Variants in PTPN3 observed in about 807,000 individuals in gnomAD.
The protein encoded by PTPN3 is tyrosine-protein phosphatase non-receptor type 3.
In PTPN3, 96 loss-of-function variants were observed where a neutral mutation model predicts 132.7. The ratio of observed to expected loss-of-function variants is 0.72; its 90% CI spans 0.61 to 0.86. The LOEUF is 0.86. Among genes scored for constraint, PTPN3 ranks in the 40% least tolerant of loss-of-function variants. PTPN3 has a pLI of 0.00. For synonymous variants in PTPN3, 398 were observed against 429.0 expected (o/e 0.93, Z 0.89); for missense variants, 1,125 against 1,159.6 (o/e 0.97, Z 0.43).
At chr9:109,484,133 T>C (rs146353828) in intron 1 of PTPN3, among the ~76,000 whole-genome samples, 19 of 152,240 alleles carry the variant, frequency 1.2e-4, no homozygotes, top group Admixed American at 2.6e-4. Context: ...TCAGGCAGAA[T>C]TGCCTGAGCC....
intron 7 of PTPN3, 27 bp downstream of exon 7, chr9:109,445,213 C>T: frequency 6.2e-7 from 1 of 1,604,330 alleles, no homozygotes; most frequent in Non-Finnish European, 8.5e-7. Context: ...ACCTGTCCAT[C>T]CGTGAAATGC....
chr9:109,463,844 G>A (rs1027440716), intron 1 of PTPN3, among the ~76,000 whole-genome samples: 1 of 152,128 alleles, frequency 6.6e-6, no homozygotes, highest in Non-Finnish European at 1.5e-5. Context: ...TTGATAAACT[G>A]ATATTAAAAT....
At chr9:109,396,933 A>AC (rs1188311284) in intron 19 of PTPN3, among the ~76,000 whole-genome samples, 3 of 152,098 alleles carry the variant, frequency 2.0e-5, no homozygotes, top group African/African-American at 7.2e-5. Context: ...AGAGCTTCAC[A>AC]CCCCCAACTG....
the PTPN3 span, among the ~76,000 whole-genome samples, chr9:109,518,052 G>A: frequency 6.6e-6 from 1 of 152,138 alleles, no homozygotes; most frequent in Admixed American, 6.5e-5. Flanking sequence ...GGGTGGTTAC[G>A]GCTTCCTGCA....
chr9:109,475,967 A>G (rs1178437205), intron 1 of PTPN3, among the ~76,000 whole-genome samples: 1 of 151,736 alleles, frequency 6.6e-6, no homozygotes, highest in Non-Finnish European at 1.5e-5. Context: ...CTCTCCACTT[A>G]CCCCCACGAA....
the PTPN3 span, chr9:109,534,120 G>A: frequency 1.3e-6 from 1 of 789,334 alleles, no homozygotes; most frequent in Non-Finnish European, 2.3e-6. Flanking sequence ...AAGCATATCC[G>A]TTCCTTAAGT....
At chr9:109,532,701 T>G in the PTPN3 span, 1 of 246,634 alleles carries the variant, frequency 4.1e-6, no homozygotes. Context: ...ATTTATCTGG[T>G]CAATGGGCAA....
At chr9:109,457,105 G>T in intron 4 of PTPN3, 68 bp downstream of exon 4, 1 of 1,519,176 alleles carries the variant, frequency 6.6e-7, no homozygotes, top group Non-Finnish European at 9.1e-7. Flanking sequence ...ACTGACGATT[G>T]GAGGGGAGAA....
At chr9:109,431,436 C>A (rs1388644544) in intron 10 of PTPN3, among the ~76,000 whole-genome samples, 3 of 152,206 alleles carry the variant, frequency 2.0e-5, no homozygotes, top group Non-Finnish European at 4.4e-5. Flanking sequence ...GAAAAATGAG[C>A]CGTATGCCCA....
rs988750657 is a variant in PTPN3, at chr9:109,376,601, T to C, written c.*2955A>G. ...TTGATTAAATTGGCACATCAACATGTTTAATTAGATCTTTCAGAAAGTGCC... is the reference window on the plus strand; with the variant it reads ...TTGATTAAATTGGCACATCAACATGCTTAATTAGATCTTTCAGAAAGTGCC... On this transcript the variant is annotated 3_prime_UTR_variant, in exon 26 of 26. Coordinates refer to ENST00000374541, the MANE Select transcript of PTPN3 (RefSeq NM_002829.4). The C allele has an allele frequency of 6.6e-6, 1 of 152,140 alleles. No individual in the cohort carries two copies. The highest frequency in any genetic ancestry group is 1.5e-5 in the Non-Finnish European group (1 of 68,024). The allele number at this position is 152,140 out of a possible 1,614,324, so 9.4% of individuals were successfully genotyped here. A position where few individuals can be genotyped will look rare whatever the true frequency, so the allele number is the denominator to read the frequency against.
At chr9:109,435,838 A>G (rs1437406906) in intron 9 of PTPN3, among the ~76,000 whole-genome samples, 5 of 152,246 alleles carry the variant, frequency 3.3e-5, no homozygotes, top group African/African-American at 1.2e-4. Context: ...CCCAAAGCTG[A>G]TATTTTGTAA....
At chr9:109,513,770 A>G in the PTPN3 span, among the ~76,000 whole-genome samples, 3 of 152,196 alleles carry the variant, frequency 2.0e-5, no homozygotes, top group African/African-American at 4.8e-5. Context: ...ACTTATGAAA[A>G]TCAAACAACA....
chr9:109,493,528 T>C (rs1183185936), intron 1 of PTPN3, among the ~76,000 whole-genome samples: 1 of 152,220 alleles, frequency 6.6e-6, no homozygotes, highest in East Asian at 1.9e-4. Context: ...TCCAGGACTA[T>C]TCCAATTTCA....
Position 109,463,317 on chromosome 9 carries a change from C to A in PTPN3, c.118G>T (p.Val40Leu). ...CTTACAGTAACTTTAAAGGTCTGTA[C>A]CACGCCATCTAAAAAGTGGATGCTG... ...ICSIHFLDGV[V>L]QTFKVTKQDT... Residue 40 changes from valine to leucine, a missense_variant, in exon 2 of 26, where the codon GTA (valine) becomes TTA (leucine). Coordinates refer to ENST00000374541, the MANE Select transcript of PTPN3 (RefSeq NM_002829.4). The A allele has an allele frequency of 6.2e-7, 1 of 1,612,602 alleles. No individual in the cohort carries two copies. The highest frequency in any genetic ancestry group is 8.5e-7 in the Non-Finnish European group (1 of 1,179,538).
At position 109,391,206 on chromosome 9, in the gene PTPN3, G is replaced by C. The variant is rs2131632882; in HGVS notation, c.2045-7C>G. ...AATACCCGGGTGGTGTCATCTGCGG[G>C]GAAGAGAAAAATTTACCGATTATTC... On this transcript the variant is annotated splice_region_variant and splice_polypyrimidine_tract_variant and intron_variant, in intron 20 of 25. Coordinates refer to ENST00000374541, the MANE Select transcript of PTPN3 (RefSeq NM_002829.4). The C allele has an allele frequency of 1.9e-6, 3 of 1,610,762 alleles. No homozygotes were observed. The African/African-American group carries it at 4.0e-5, about 21-fold the overall frequency.
Position 109,432,969 on chromosome 9 carries a change from T to C in PTPN3, c.764+104A>G, listed in dbSNP as rs1588417664. The C allele has an allele frequency of 8.7e-6, 13 of 1,488,780 alleles. No individual in the cohort carries two copies. In the East Asian group the frequency reaches 3.2e-4, roughly 37 times the overall value. 92.2% of individuals were successfully genotyped at this position (1,488,780 alleles called of 1,614,324 possible). On this transcript the variant is annotated intron_variant, in intron 10 of 25. Coordinates refer to ENST00000374541, the MANE Select transcript of PTPN3 (RefSeq NM_002829.4). ...AGTAAAACTCGGGAGGCACTCTCTA[T>C]CTTTTCTTTAGAAATAAACATTTAG...
chr9:109,528,225 C>A, the PTPN3 span, among the ~76,000 whole-genome samples: 1 of 152,170 alleles, frequency 6.6e-6, no homozygotes, highest in Non-Finnish European at 1.5e-5. Flanking sequence ...CAAACAATGT[C>A]ACGTGGCAAA....
At chr9:109,526,493 T>A in the PTPN3 span, among the ~76,000 whole-genome samples, 1 of 151,926 alleles carries the variant, frequency 6.6e-6, no homozygotes, top group African/African-American at 2.4e-5. Flanking sequence ...GGCAACAAAG[T>A]AGGACCTGAT....
chr9:109,491,297 C>T (rs569204129), intron 1 of PTPN3, among the ~76,000 whole-genome samples: 30 of 151,588 alleles, frequency 2.0e-4, no homozygotes, highest in African/African-American at 7.3e-4. Flanking sequence ...ATTGTAGTTA[C>T]GGAATATCAT....
Sources: allele counts gnomAD v4.1 joint callset (sites outside exome capture counted in the v4.1 genomes callset), GRCh38; gene constraint gnomAD v4.1.1; transcripts MANE v1.5; gene names NCBI Gene and HGNC (gene_info 2026-07-23, HGNC 2026-07-21).